The following MAPK4 variants were observed in gnomAD, a reference collection of about 807,000 sequenced individuals.
MAPK4 encodes the protein Erk3-related.
A neutral mutation model predicts 47.7 loss-of-function variants in MAPK4; 22 were observed. The ratio of observed to expected loss-of-function variants is 0.46; its 90% CI spans 0.33 to 0.66. MAPK4 has a LOEUF of 0.66. Among genes scored for constraint, MAPK4 ranks in the 30% least tolerant of loss-of-function variants. The pLI is 0.02. For synonymous variants in MAPK4, 390 were observed against 365.7 expected, an observed-to-expected ratio of 1.07 and a Z score of -0.76; for missense variants, 736 against 831.7, an observed-to-expected ratio of 0.88 and a Z score of 1.42.
At chr18:50,689,029 C>T (rs902433273) in intron 2 of MAPK4, among the ~76,000 whole-genome samples, 6 of 151,506 alleles carry the variant, frequency 4.0e-5, no homozygotes, top group African/African-American at 1.5e-4. Flanking sequence ...GAGGCTGAGG[C>T]GGGCGGATCA....
chr18:50,674,443 C>T (rs1366806420), intron 2 of MAPK4, among the ~76,000 whole-genome samples: 2 of 152,068 alleles, frequency 1.3e-5, no homozygotes, highest in Non-Finnish European at 2.9e-5. Flanking sequence ...TTGTGGTTAC[C>T]TTCTATTTCA....
intron 2 of MAPK4, among the ~76,000 whole-genome samples, chr18:50,709,822 G>T (rs1418430716): frequency 1.3e-5 from 2 of 152,160 alleles, no homozygotes; most frequent in Non-Finnish European, 2.9e-5. Context: ...CACAGTGCTG[G>T]GCACAGGGTA....
At chr18:50,660,767 G>C (rs773767223) in intron 1 of MAPK4, among the ~76,000 whole-genome samples, 1 of 152,092 alleles carries the variant, frequency 6.6e-6, no homozygotes, top group Admixed American at 6.5e-5. Flanking sequence ...GAATATTTCA[G>C]GAACTGGGAA....
Position 50,710,506 on chromosome 18 carries a change from G to A in MAPK4, c.547-4573G>A, listed in dbSNP as rs566166730. 1.4e-4 allele frequency among the ~76,000 whole-genome samples: 21 copies of A among 151,664 alleles called. No individual in the cohort carries two copies. The South Asian group carries it at 2.7e-3, about 20-fold the overall frequency. On this transcript the variant is annotated intron_variant, in intron 2 of 5. Coordinates refer to ENST00000400384, the MANE Select transcript of MAPK4 (RefSeq NM_002747.4). ...TCAAATAAATAAATAGGCCAGGCGC[G>A]GAGGCTCACGCCTGTAATCCCAGCA...
intron 2 of MAPK4, among the ~76,000 whole-genome samples, chr18:50,703,406 C>T (rs1028093216): frequency 7.2e-5 from 11 of 152,192 alleles, no homozygotes; most frequent in Non-Finnish European, 1.5e-4. Context: ...TTTTATAACA[C>T]GCAGCCACCT....
chr18:50,671,759 G>A lies in MAPK4; in HGVS notation c.546+7255G>A, dbSNP rs552505673. On this transcript the variant is annotated intron_variant, in intron 2 of 5. Coordinates refer to ENST00000400384, the MANE Select transcript of MAPK4 (RefSeq NM_002747.4). ...GAAAAAATTAGCCAGGTATAGTGGT[G>A]CACACCTATAGTCCCAGCCACTCAG... Among the ~76,000 whole-genome samples the A allele has an allele frequency of 9.2e-5, 14 of 152,080 alleles. No homozygotes were observed. In the East Asian group the frequency reaches 2.5e-3, roughly 27 times the overall value.
intron 2 of MAPK4, among the ~76,000 whole-genome samples, chr18:50,682,716 C>T (rs1326101379): frequency 1.3e-5 from 2 of 152,166 alleles, no homozygotes; most frequent in Non-Finnish European, 2.9e-5. Context: ...TCATATGATC[C>T]AGACATTTCA....
intron 1 of MAPK4, among the ~76,000 whole-genome samples, chr18:50,612,431 C>T (rs1048189516): frequency 1.3e-5 from 2 of 152,132 alleles, no homozygotes; most frequent in Non-Finnish European, 2.9e-5. Flanking sequence ...GTATGTCACC[C>T]CTACCCTCAG....
In MAPK4 at chr18:50,726,113, C is replaced by A. The variant is rs371446025; in HGVS notation, c.1005C>A (p.Asp335Glu). Residue 335 changes from aspartate (D) to glutamate (E), a missense_variant, in exon 5 of 6, where the codon GAC (aspartate) becomes GAA (glutamate). Around this residue, in one of 3 missense-constraint regions of MAPK4, gnomAD observed 377 missense variants for 378.6 expected, o/e 1.00. Coordinates refer to ENST00000400384, the MANE Select transcript of MAPK4 (RefSeq NM_002747.4). ...QHPFRIEDEIDDIVLMAANQS... is the reference protein window; with the variant it reads ...QHPFRIEDEIEDIVLMAANQS... ...CCTTCCGCATTGAGGATGAGATCGA[C>A]GACATCGTGCTGATGGCCGCTAACC... 1 of 1,614,060 alleles carries A rather than the reference C, an allele frequency of 6.2e-7. No homozygotes were observed. Among genetic ancestry groups the A allele is most frequent in the East Asian group, 2.2e-5 (1 of 44,888 alleles).
chr18:50,610,908 A>G (rs2042627543), intron 1 of MAPK4, among the ~76,000 whole-genome samples: 1 of 152,126 alleles, frequency 6.6e-6, no homozygotes. Context: ...AGTGCAAAGG[A>G]CAGTTCTTGG....
At chr18:50,725,685 G>A (rs770561879) in intron 4 of MAPK4, among the ~76,000 whole-genome samples, 1 of 152,116 alleles carries the variant, frequency 6.6e-6, no homozygotes, top group Non-Finnish European at 1.5e-5. Flanking sequence ...CTTGTCTCTG[G>A]TTCTGTCTCT....
rs535503049 is a variant in MAPK4 at position 50,678,079 on chromosome 18, A to T, written c.546+13575A>T. Among the ~76,000 whole-genome samples the T allele has an allele frequency of 6.6e-6, 1 of 152,342 alleles. No homozygotes were observed. The highest frequency in any genetic ancestry group is 1.9e-4 in the East Asian group (1 of 5,180). On this transcript the variant is annotated intron_variant, in intron 2 of 5. Transcript: ENST00000400384. The surrounding 1 kb of genome is among the most constrained non-coding windows in gnomAD (Gnocchi z 4.2). The stretch of plus-strand genomic sequence containing the variant: ...CAGGCTGGCTCCATCCCCTCATAAT[A>T]ACTCAGGTTTCTGTGTTCTCAGATA...
intron 1 of MAPK4, among the ~76,000 whole-genome samples, chr18:50,643,061 C>CCCTT (rs368486578): frequency 2.6e-5 from 4 of 152,224 alleles, no homozygotes; most frequent in African/African-American, 9.6e-5. Flanking sequence ...TTCCTTCCCT[C>CCCTT]GTTCTTTCCT....
intron 2 of MAPK4, among the ~76,000 whole-genome samples, chr18:50,707,436 G>A (rs147854315): frequency 3.9e-5 from 6 of 152,116 alleles, no homozygotes; most frequent in African/African-American, 1.2e-4. Context: ...AAGGCATGGT[G>A]GCCCGCACCT....
rs567657632 is a variant in MAPK4 at position 50,731,588 on chromosome 18, T to C, written c.*1734T>C. 3 of 152,516 alleles carry C rather than the reference T, an allele frequency of 2.0e-5. No homozygotes were observed. The highest frequency in any genetic ancestry group is 7.2e-5 in the African/African-American group (3 of 41,546). 9.4% of individuals were successfully genotyped at this position (152,516 alleles called of 1,614,324 possible). ...ATGGAAAATATGTAAATAGGAAGTG[T>C]TTGGGTTTTGTTTTTTCTTTAAGAA... is the stretch of plus-strand genomic sequence containing the variant. On this transcript the variant is annotated 3_prime_UTR_variant, in exon 6 of 6. Transcript: ENST00000400384.
intron 2 of MAPK4, among the ~76,000 whole-genome samples, chr18:50,689,924 T>A (rs2144345061): frequency 6.6e-6 from 1 of 152,276 alleles, no homozygotes; most frequent in African/African-American, 2.4e-5. Context: ...TAGTGCAACC[T>A]CTTATTGTAA....
intron 1 of MAPK4, among the ~76,000 whole-genome samples, chr18:50,591,237 CTAT>C (rs2042434448): frequency 6.6e-6 from 1 of 152,008 alleles, no homozygotes; most frequent in South Asian, 2.1e-4. Flanking sequence ...CACAGCAACC[CTAT>C]TAAGTGGGAC....
chr18:50,712,356 G>A (rs1310927983), intron 2 of MAPK4, among the ~76,000 whole-genome samples: 1 of 152,154 alleles, frequency 6.6e-6, no homozygotes, highest in Non-Finnish European at 1.5e-5. Context: ...GAGCCTGGGA[G>A]GCAGAGGTTG....
At chr18:50,724,422 A>G (rs915132749) in intron 4 of MAPK4, among the ~76,000 whole-genome samples, 6 of 152,158 alleles carry the variant, frequency 3.9e-5, no homozygotes, top group African/African-American at 1.4e-4. Flanking sequence ...TTTCCTTGTC[A>G]AAAGGTCAAG....
Sources: gnomAD v4.1 joint callset for allele counts (sites outside exome capture counted in the v4.1 genomes callset) on GRCh38, gnomAD v4.1.1 for gene constraint, gnomAD v4.1.1 regional missense constraint, Gnocchi (gnomAD v3.1) non-coding constraint, MANE v1.5 for transcripts, NCBI Gene and HGNC (gene_info 2026-07-23, HGNC 2026-07-21) for gene names.